Variants in TACC1 observed in about 807,000 individuals in gnomAD.
TACC1 encodes transforming acidic coiled-coil containing protein 1.
A neutral mutation model predicts 84.4 loss-of-function variants in TACC1; 48 were observed. The ratio of observed to expected loss-of-function variants is 0.57; its 90% CI spans 0.45 to 0.72. The LOEUF is 0.72. Among genes scored for constraint, TACC1 ranks in the 30% least tolerant of loss-of-function variants. The probability of loss-of-function intolerance (pLI) is 0.00; values close to 1 mark genes in which losing one functional copy is unlikely to be tolerated. For missense variants in TACC1, 920 were observed against 973.0 expected, an observed-to-expected ratio of 0.95 and a Z score of 0.72; for synonymous variants, 372 against 376.3, an observed-to-expected ratio of 0.99 and a Z score of 0.13.
intron 3 of TACC1, among the ~76,000 whole-genome samples, chr8:38,777,428 A>T (rs1270582077): frequency 1.3e-5 from 2 of 152,112 alleles, no homozygotes; most frequent in African/African-American, 4.8e-5. Context: ...AGAAGTTGTG[A>T]CACGCAGTTC....
At chr8:38,747,108 A>G (rs1004171567) in intron 3 of TACC1, among the ~76,000 whole-genome samples, 1 of 152,246 alleles carries the variant, frequency 6.6e-6, no homozygotes, top group Non-Finnish European at 1.5e-5. Flanking sequence ...AAGCTGTTTA[A>G]TAGTATATGT....
intron 3 of TACC1, among the ~76,000 whole-genome samples, chr8:38,748,414 C>G (rs1285138371): frequency 3.9e-5 from 6 of 152,090 alleles, no homozygotes; most frequent in African/African-American, 1.4e-4. Context: ...AATCAGCAGA[C>G]AGAAAACCTG....
At position 38,846,805 on chromosome 8, in the gene TACC1, GC is replaced by G. The variant is rs1832402851; in HGVS notation, c.2338del (p.Leu780CysfsTer11). On this transcript the variant is annotated frameshift_variant, in exon 12 of 13. Coordinates refer to ENST00000317827, the MANE Select transcript of TACC1 (RefSeq NM_006283.3). LOFTEE classifies it high-confidence loss of function. ...EQMKVESLER[A>X]LQQKNQEIEE... ...GATGAAGGTGGAGTCCCTGGAAAGG[GC>G]CCTGCAGCAGAAGGTACAGAAAGGG... 6.2e-7 allele frequency: 1 copy of G among 1,614,036 alleles called. No homozygotes were observed. Among genetic ancestry groups the G allele is most frequent in the Admixed American group, 1.7e-5 (1 of 60,012 alleles).
chr8:38,758,678 CAAAA>C (rs773304871), intron 3 of TACC1, among the ~76,000 whole-genome samples: 1 of 26,082 alleles, frequency 3.8e-5, no homozygotes, highest in Non-Finnish European at 9.3e-5. Context: ...GACTCCATCT[CAAAA>C]AAAAAAAAAA....
At chr8:38,835,180 G>T (rs942285835) in intron 6 of TACC1, among the ~76,000 whole-genome samples, 1 of 151,910 alleles carries the variant, frequency 6.6e-6, no homozygotes, top group Non-Finnish European at 1.5e-5. Context: ...CGTGAACCCG[G>T]GAGGCGGAGC....
chr8:38,793,911 CATCTATACTT>C (rs1392279406), intron 2 of TACC1, among the ~76,000 whole-genome samples: 90 of 152,302 alleles, frequency 5.9e-4, no homozygotes, highest in African/African-American at 2.1e-3. Flanking sequence ...TGTCAACCTA[CATCTATACTT>C]ATTACAATTT....
At chr8:38,765,978 G>A (rs1459490610) in intron 3 of TACC1, among the ~76,000 whole-genome samples, 3 of 152,064 alleles carry the variant, frequency 2.0e-5, no homozygotes, top group African/African-American at 7.2e-5. Context: ...AAATGCTCTC[G>A]GTCATCAGTA....
chr8:38,766,021 T>A (rs770102109), intron 3 of TACC1, among the ~76,000 whole-genome samples: 5 of 152,180 alleles, frequency 3.3e-5, no homozygotes, highest in Non-Finnish European at 7.3e-5. Context: ...TCAGGGACAG[T>A]CTTTAGAGTT....
At chr8:38,790,350 C>T (rs1392061960) in intron 2 of TACC1, among the ~76,000 whole-genome samples, 1 of 152,210 alleles carries the variant, frequency 6.6e-6, no homozygotes, top group Non-Finnish European at 1.5e-5. Context: ...AGGTCACATT[C>T]ATAGGTACTA....
At chr8:38,815,371 C>T (rs901132464) in intron 2 of TACC1, among the ~76,000 whole-genome samples, 1 of 152,136 alleles carries the variant, frequency 6.6e-6, no homozygotes, top group South Asian at 2.1e-4. Context: ...GGAACCTTTT[C>T]CTCAAAAAAC....
At chr8:38,751,027 T>G (rs1181617632) in intron 3 of TACC1, among the ~76,000 whole-genome samples, 1 of 152,232 alleles carries the variant, frequency 6.6e-6, no homozygotes, top group East Asian at 1.9e-4. Context: ...GCTACCTGAT[T>G]TCAAGAACAA....
At position 38,788,638 on chromosome 8, in the gene TACC1, G is replaced by A. The variant is rs1817890582; in HGVS notation, c.162-66G>A. ...CTGGACTTTTAGCCTCTGTGAATAT[G>A]TAGATTTCAAAGGGTGTCGGAAATA... On this transcript the variant is annotated intron_variant, in intron 1 of 12. Coordinates refer to ENST00000317827, the MANE Select transcript of TACC1 (RefSeq NM_006283.3). The A allele has an allele frequency of 2.4e-6, 3 of 1,242,950 alleles. No homozygotes were observed. In the Admixed American group the frequency reaches 6.1e-5, roughly 25 times the overall value. The allele number at this position is 1,242,950 out of a possible 1,614,324, so 77.0% of individuals were successfully genotyped here.
chr8:38,754,127 A>T (rs1025262914), intron 3 of TACC1, among the ~76,000 whole-genome samples: 1 of 151,680 alleles, frequency 6.6e-6, no homozygotes, highest in Admixed American at 6.6e-5. Context: ...CTAATTTTTT[A>T]AATTTTTGGT....
chr8:38,818,163 G>A (rs1411489153), intron 2 of TACC1, among the ~76,000 whole-genome samples: 1 of 151,704 alleles, frequency 6.6e-6, no homozygotes, highest in African/African-American at 2.4e-5. Context: ...TGAGCCTGGG[G>A]AAGTCAAGGC....
At chr8:38,771,678 G>A (rs1173288522) in intron 3 of TACC1, among the ~76,000 whole-genome samples, 9 of 152,198 alleles carry the variant, frequency 5.9e-5, no homozygotes, top group Non-Finnish European at 1.0e-4. Flanking sequence ...CCCACCCCAA[G>A]TTTCTCATGC....
chr8:38,838,461 G>A lies in TACC1; in HGVS notation c.1840-9G>A, dbSNP rs201013502. 6 of 1,602,992 alleles carry A rather than the reference G, an allele frequency of 3.7e-6. No homozygotes were observed. Among genetic ancestry groups the A allele is most frequent in the Middle Eastern group, 1.7e-4 (1 of 6,034 alleles). ...AGATTGGGTAAAACTAAGCTTTATT[G>A]TACTCTAGATAATTACTAAAGAGAT... On this transcript the variant is annotated splice_polypyrimidine_tract_variant and intron_variant, in intron 7 of 12. Transcript: ENST00000317827.
intron 2 of TACC1, among the ~76,000 whole-genome samples, chr8:38,790,978 G>A (rs1818514572): frequency 6.6e-6 from 1 of 152,228 alleles, no homozygotes; most frequent in Non-Finnish European, 1.5e-5. Flanking sequence ...AAGATTGGCA[G>A]ATCAGAAGGG....
Position 38,819,881 on chromosome 8 carries a change from C to G in TACC1, c.637C>G (p.Leu213Val). ...CCTCGAGGCCTCCGCAGAAGCTGAT[C>G]TAAAAGCTGGCAACTCCTGTCCAGA... is the stretch of plus-strand genomic sequence containing the variant. ...VTLEASAEADLKAGNSCPELV... is the reference protein window; with the variant it reads ...VTLEASAEADVKAGNSCPELV... The change falls in exon 3 of 13, where the codon CTA becomes GTA. Residue 213 changes from leucine to valine, a missense_variant. Transcript: ENST00000317827. 1.9e-6 allele frequency: 3 copies of G among 1,614,058 alleles called. No individual in the cohort carries two copies. Among genetic ancestry groups the G allele is most frequent in the Non-Finnish European group, 2.5e-6 (3 of 1,180,046 alleles).
chr8:38,837,226 C>A (rs1740038588), intron 7 of TACC1, among the ~76,000 whole-genome samples: 1 of 147,780 alleles, frequency 6.8e-6, no homozygotes, highest in Admixed American at 6.8e-5. Context: ...ACCAGACTGA[C>A]CAACGTGGAG....
Sources: allele counts gnomAD v4.1 joint callset (sites outside exome capture counted in the v4.1 genomes callset), GRCh38; gene constraint gnomAD v4.1.1; transcripts MANE v1.5; gene names NCBI Gene and HGNC (gene_info 2026-07-23, HGNC 2026-07-21).